Variants in EXOC6 observed in about 807,000 individuals in gnomAD.
EXOC6 encodes exocyst complex component 6.
Under a neutral mutation model 112.5 loss-of-function variants are expected in EXOC6, and 60 were observed. The ratio of observed to expected loss-of-function variants is 0.53; its 90% CI spans 0.43 to 0.66. EXOC6 has a LOEUF of 0.66. Ranked by LOEUF, EXOC6 falls within the 30% of genes least tolerant of loss-of-function variation. The pLI, the probability that EXOC6 is intolerant of heterozygous loss-of-function variation, is 0.00. For missense variants in EXOC6, 855 were observed against 957.1 expected (o/e 0.89, Z 1.41); for synonymous variants, 295 against 308.0 (o/e 0.96, Z 0.44).
intron 1 of EXOC6, among the ~76,000 whole-genome samples, chr10:92,868,389 A>G (rs1484013909): frequency 1.3e-5 from 2 of 152,112 alleles, no homozygotes; most frequent in Admixed American, 1.3e-4. Context: ...GTGATACTGT[A>G]TGTGGGTTTC....
chr10:92,939,786 G>C (rs1156985893), intron 12 of EXOC6, among the ~76,000 whole-genome samples: 1 of 152,072 alleles, frequency 6.6e-6, no homozygotes, highest in Non-Finnish European at 1.5e-5. Flanking sequence ...AGAGTGATTG[G>C]TGTTATAGAA....
intron 9 of EXOC6, among the ~76,000 whole-genome samples, 171 bp from the exon 10 acceptor site, chr10:92,933,973 G>C (rs377050941): frequency 2.0e-5 from 3 of 152,200 alleles, no homozygotes; most frequent in South Asian, 4.2e-4. Context: ...TACGTTCCAT[G>C]AGAGTAAGGA....
intron 1 of EXOC6, among the ~76,000 whole-genome samples, chr10:92,859,961 A>T (rs1589714749): frequency 6.6e-6 from 1 of 152,006 alleles, no homozygotes; most frequent in Non-Finnish European, 1.5e-5. Flanking sequence ...AGGTGAGTGC[A>T]CCACCAGGTA....
intron 17 of EXOC6, among the ~76,000 whole-genome samples, chr10:92,971,893 T>C (rs1448840758): frequency 6.6e-6 from 1 of 152,200 alleles, no homozygotes; most frequent in East Asian, 1.9e-4. Flanking sequence ...TGTACATTTA[T>C]AATAATATAA....
intron 20 of EXOC6, among the ~76,000 whole-genome samples, chr10:93,018,825 A>G (rs951105357): frequency 6.6e-6 from 1 of 151,822 alleles, no homozygotes; most frequent in Non-Finnish European, 1.5e-5. Flanking sequence ...ACTTTCATAT[A>G]TGTTTGAAAT....
intron 18 of EXOC6, among the ~76,000 whole-genome samples, chr10:92,983,500 CTTTTTTT>C (rs11349490): frequency 9.1e-6 from 1 of 109,398 alleles, no homozygotes; most frequent in South Asian, 3.1e-4. Context: ...CTTTCTTCTT[CTTTTTTT>C]TTTTTTTTTT....
chr10:92,906,697 A>G (rs1169732657), intron 5 of EXOC6, among the ~76,000 whole-genome samples: 1 of 152,206 alleles, frequency 6.6e-6, no homozygotes, highest in African/African-American at 2.4e-5. Context: ...ATTTGTTTTA[A>G]AATAATTTAT....
At chr10:92,928,499 G>GTTT in intron 9 of EXOC6, 77 bp downstream of exon 9, 1 of 829,624 alleles carries the variant, frequency 1.2e-6, no homozygotes, top group South Asian at 1.7e-5. Context: ...TTCAAAGCAT[G>GTTT]TATCACTGTT....
chr10:93,024,536 AT>A (rs1844932585), intron 20 of EXOC6, among the ~76,000 whole-genome samples: 1 of 151,970 alleles, frequency 6.6e-6, no homozygotes, highest in Non-Finnish European at 1.5e-5. Context: ...GGTTCGAGCG[AT>A]TTTCCTACCT....
At chr10:92,945,822 TC>T (rs1228173579) in intron 13 of EXOC6, among the ~76,000 whole-genome samples, 2 of 152,202 alleles carry the variant, frequency 1.3e-5, no homozygotes, top group African/African-American at 2.4e-5. Flanking sequence ...GTGAGCCACC[TC>T]ATTTAGCCCT....
Position 92,893,491 on chromosome 10 carries a change from A to G in EXOC6, c.244A>G (p.Lys82Glu). ...TGTAGATGCTATTACAGAACTCCTT[A>G]AAGTAAGGACTGATGCAGAAAAACT... ...GFVDAITELL[K>E]VRTDAEKLKV... The change falls in exon 2 of 22, where the codon AAA becomes GAA. Residue 82 changes from lysine (K) to glutamate (E), a missense_variant. Transcript: ENST00000260762. 1 of 1,609,892 alleles carries G rather than the reference A, an allele frequency of 6.2e-7. No individual in the cohort carries two copies. Among genetic ancestry groups the G allele is most frequent in the Non-Finnish European group, 8.5e-7 (1 of 1,178,244 alleles).
chr10:92,893,277 T>C (rs1378537907), intron 1 of EXOC6, 72 bp from the exon 2 acceptor site: 8 of 1,093,674 alleles, frequency 7.3e-6, no homozygotes, highest in Middle Eastern at 2.7e-4. Flanking sequence ...TTTTAAGATA[T>C]CACCTCTTGC....
intron 13 of EXOC6, among the ~76,000 whole-genome samples, chr10:92,946,199 G>C (rs1235841359): frequency 6.6e-6 from 1 of 152,148 alleles, no homozygotes; most frequent in African/African-American, 2.4e-5. Flanking sequence ...AGGAGGCTGA[G>C]GCAGGAGAAT....
At chr10:92,876,892 C>G (rs61860834) in intron 1 of EXOC6, among the ~76,000 whole-genome samples, 8 of 152,202 alleles carry the variant, frequency 5.3e-5, no homozygotes, top group Non-Finnish European at 1.0e-4. Context: ...CCTACTTTCC[C>G]TTTTCATTCA....
At position 93,028,695 on chromosome 10, in the gene EXOC6, G is replaced by A. The variant is rs540177185; in HGVS notation, c.2169+14428G>A. On this transcript the variant is annotated intron_variant, in intron 20 of 21. Coordinates refer to ENST00000260762, the MANE Select transcript of EXOC6 (RefSeq NM_019053.6). ...ACTAAAAATACAGAATTAGTTGGACGTGGTGGCATATGCCTGTAATCCTAG... is the reference window on the plus strand; with the variant it reads ...ACTAAAAATACAGAATTAGTTGGACATGGTGGCATATGCCTGTAATCCTAG... Among the ~76,000 whole-genome samples the A allele has an allele frequency of 1.5e-3, 221 of 152,216 alleles. 1 individual carries two copies. Among genetic ancestry groups the A allele is most frequent in the Non-Finnish European group, 1.7e-3 (117 of 68,004 alleles).
Position 92,889,608 on chromosome 10 carries a change from G to A in EXOC6, c.102-3741G>A, listed in dbSNP as rs76777250. Among the ~76,000 whole-genome samples the A allele has an allele frequency of 6.4e-3, 976 of 152,208 alleles. 16 individuals carry two copies. The highest frequency in any genetic ancestry group is 0.022 in the African/African-American group (926 of 41,538). On this transcript the variant is annotated intron_variant, in intron 1 of 21. Transcript: ENST00000260762. ...TCCTTTGTCAAAATTCAGTTACTAT[G>A]TTTATGTGGGTTTATTTCTGGTCTG...
intron 14 of EXOC6, among the ~76,000 whole-genome samples, chr10:92,950,873 T>C (rs1264415997): frequency 6.6e-6 from 1 of 152,182 alleles, no homozygotes; most frequent in Non-Finnish European, 1.5e-5. Context: ...ACCTAGTAGA[T>C]TTTTGCATTT....
At chr10:93,039,947 G>A (rs1258065853) in intron 20 of EXOC6, among the ~76,000 whole-genome samples, 1 of 152,132 alleles carries the variant, frequency 6.6e-6, no homozygotes, top group African/African-American at 2.4e-5. Context: ...ATGGCTACAC[G>A]TGTGAATGAG....
chr10:92,978,688 A>G (rs1842722410), intron 18 of EXOC6, among the ~76,000 whole-genome samples: 1 of 152,202 alleles, frequency 6.6e-6, no homozygotes, highest in Admixed American at 6.5e-5. Flanking sequence ...TACCATTTTT[A>G]TTTAAATGTT....
Sources: gnomAD v4.1 joint callset for allele counts (sites outside exome capture counted in the v4.1 genomes callset) on GRCh38, gnomAD v4.1.1 for gene constraint, MANE v1.5 for transcripts, NCBI Gene and HGNC (gene_info 2026-07-23, HGNC 2026-07-21) for gene names.